The following ITGB7 variants were observed in gnomAD, a reference collection of about 807,000 sequenced individuals.
ITGB7 encodes integrin beta-7.
A neutral mutation model predicts 83.4 loss-of-function variants in ITGB7; 55 were observed. That is an observed-to-expected ratio of 0.66 (90% CI 0.53 to 0.83). ITGB7 has a LOEUF of 0.83. Ranked by LOEUF, ITGB7 falls within the 40% of genes least tolerant of loss-of-function variation. The pLI, the probability that ITGB7 is intolerant of heterozygous loss-of-function variation, is 0.00. For synonymous variants in ITGB7, 454 were observed against 423.6 expected (o/e 1.07, Z -0.88); for missense variants, 921 against 1,046.7 (o/e 0.88, Z 1.66).
At position 53,193,734 on chromosome 12, in the gene ITGB7, C is replaced by T. The variant is rs147840844; in HGVS notation, c.1476G>A (p.Gln492=). The T allele has an allele frequency of 5.0e-6, 8 of 1,613,398 alleles. No homozygotes were observed. In the African/African-American group the frequency reaches 8.0e-5, roughly 16 times the overall value. Residue 492 remains glutamine (Q), a synonymous_variant, in exon 11 of 16, where the codon CAG becomes CAA. Transcript: ENST00000267082. ...QPQAPHCSDG[Q]GHLQCGVCSC... is the part of the protein sequence containing the mutation. Reference sequence around the variant, plus strand: ...TGCATACACCACATTGTAGGTGTCCCTGGCCATCACTGCAGTGGGGAGCCT... The same window carrying T: ...TGCATACACCACATTGTAGGTGTCCTTGGCCATCACTGCAGTGGGGAGCCT...
chr12:53,200,798 G>T (rs11170469), intron 2 of ITGB7, among the ~76,000 whole-genome samples: 12 of 151,988 alleles, frequency 7.9e-5, no homozygotes, highest in African/African-American at 2.9e-4. Context: ...GCATGGTGGC[G>T]TGCACCTGTA....
At chr12:53,205,557 G>A (rs528249402) in intron 1 of ITGB7, among the ~76,000 whole-genome samples, 4 of 152,086 alleles carry the variant, frequency 2.6e-5, no homozygotes, top group African/African-American at 4.8e-5. Context: ...AGCAGAGGAC[G>A]TGCAGGATAA....
At chr12:53,195,096 C>T (rs1592401364) in intron 9 of ITGB7, 7 of 476,592 alleles carry the variant, frequency 1.5e-5, no homozygotes, top group Admixed American at 9.9e-5. Flanking sequence ...GTATGTACAC[C>T]TAGGATGGTG....
rs201442074 is a variant in ITGB7 at position 53,196,215 on chromosome 12, G to C, written c.817-16C>G. On this transcript the variant is annotated splice_polypyrimidine_tract_variant and intron_variant, in intron 6 of 15. Transcript: ENST00000267082. ...CAATCTGCTCCTGAGTTACAGTGGG[G>C]GTGGTAGGCTATGCACCTGGGCATG... 2.5e-6 allele frequency: 4 copies of C among 1,613,136 alleles called. 1 individual carries two copies. In the East Asian group the frequency reaches 8.9e-5, roughly 36 times the overall value.
Position 53,191,543 on chromosome 12 carries a change from GTCCC to G in ITGB7, c.*9_*12del, listed in dbSNP as rs1307952942. 6.3e-7 allele frequency: 1 copy of G among 1,597,334 alleles called. No individual in the cohort carries two copies. The highest frequency in any genetic ancestry group is 1.7e-5 in the Admixed American group (1 of 60,016). ...CCAAGGAGAAGAGCCTTGGGTAAGT[GTCCC>G]TCCCTCCTTCAGAGAGTGGGACTGT... On this transcript the variant is annotated 3_prime_UTR_variant, in exon 16 of 16. Transcript: ENST00000267082.
At chr12:53,191,792 A>G in intron 15 of ITGB7, 67 bp downstream of exon 15, 2 of 1,598,772 alleles carry the variant, frequency 1.3e-6, no homozygotes, top group Non-Finnish European at 1.7e-6. Context: ...ACCCAGTGGG[A>G]GGAATCAGGG....
In ITGB7 at chr12:53,196,073, T is replaced by C; in HGVS notation, c.943A>G (p.Ser315Gly). The C allele has an allele frequency of 1.2e-6, 2 of 1,614,156 alleles. No individual in the cohort carries two copies. The change falls in exon 7 of 16, where the codon AGC becomes GGC. Residue 315 changes from serine to glycine, a missense_variant. Coordinates refer to ENST00000267082, the MANE Select transcript of ITGB7 (RefSeq NM_000889.3). ...GTGCTGCGACTGTAGAGGCCATTGC[T>C]GTCCAAGTGGCAGTGCCCATCACTG... ...MPSDGHCHLDSNGLYSRSTEF... is the reference protein window; with the variant it reads ...MPSDGHCHLDGNGLYSRSTEF...
intron 3 of ITGB7, 46 bp from the exon 4 acceptor site, chr12:53,197,997 C>G (rs778111624): frequency 1.4e-6 from 2 of 1,478,044 alleles, no homozygotes; most frequent in East Asian, 2.6e-5. Flanking sequence ...CTGCATAGGC[C>G]CTGGGCCCCG....
In ITGB7 at chr12:53,196,573, C is replaced by T. The variant is rs1250828706; in HGVS notation, c.816+6G>A. 6.2e-7 allele frequency: 1 copy of T among 1,605,234 alleles called. No homozygotes were observed. Among genetic ancestry groups the T allele is most frequent in the African/African-American group, 1.3e-5 (1 of 74,804 alleles). On this transcript the variant is annotated splice_donor_region_variant and intron_variant, in intron 6 of 15. Coordinates refer to ENST00000267082, the MANE Select transcript of ITGB7 (RefSeq NM_000889.3). ...CCAGGCTCAGATCCCCGCCCCACCT[C>T]CTCACCTGGCAGAGTGCAGCCTGCA...
chr12:53,201,860 C>T (rs1463540147), intron 1 of ITGB7, among the ~76,000 whole-genome samples: 1 of 152,136 alleles, frequency 6.6e-6, no homozygotes, highest in Non-Finnish European at 1.5e-5. Flanking sequence ...ATGATCGTGT[C>T]ACTGTACTTT....
chr12:53,203,819 G>A (rs1942375488), intron 1 of ITGB7, among the ~76,000 whole-genome samples: 1 of 152,144 alleles, frequency 6.6e-6, no homozygotes, highest in Non-Finnish European at 1.5e-5. Context: ...TGTAAGGAAT[G>A]TAAAGTGGTA....
intron 1 of ITGB7, 90 bp downstream of exon 1, chr12:53,207,112 A>G (rs1942460075): frequency 2.0e-5 from 3 of 152,644 alleles, no homozygotes; most frequent in African/African-American, 7.2e-5. Context: ...CTCGGTATCC[A>G]GGTCAGAGCC....
chr12:53,197,664 C>G lies in ITGB7; in HGVS notation c.404-1G>C, dbSNP rs1179361345. The G allele has an allele frequency of 6.2e-7, 1 of 1,613,196 alleles. No individual in the cohort carries two copies. Among genetic ancestry groups the G allele is most frequent in the Non-Finnish European group, 8.5e-7 (1 of 1,179,674 alleles). ...CGGACCTGGAGCTGCTGGGGCTCCC[C>G]TAGGGGGTGGGCGGCGGGCGGGTCA... On this transcript the variant is annotated splice_acceptor_variant, in intron 4 of 15. Transcript: ENST00000267082. LOFTEE classifies it high-confidence loss of function.
At chr12:53,193,036 C>T in intron 12 of ITGB7, 104 bp downstream of exon 12, 1 of 1,375,172 alleles carries the variant, frequency 7.3e-7, no homozygotes, top group East Asian at 2.4e-5. Context: ...AACCCATACA[C>T]CGGAATCTTT....
In ITGB7 at chr12:53,191,547, C is replaced by T. The variant is rs751579957; in HGVS notation, c.*9G>A. The T allele has an allele frequency of 3.7e-6, 6 of 1,604,166 alleles. No homozygotes were observed. The highest frequency in any genetic ancestry group is 5.1e-6 in the Non-Finnish European group (6 of 1,170,928). On this transcript the variant is annotated 3_prime_UTR_variant, in exon 16 of 16. Transcript: ENST00000267082. ...GGAGAAGAGCCTTGGGTAAGTGTCC[C>T]TCCCTCCTTCAGAGAGTGGGACTGT...
Position 53,196,675 on chromosome 12 carries a change from T to C in ITGB7, c.720A>G (p.Gln240=). 1 of 1,612,014 alleles carries C rather than the reference T, an allele frequency of 6.2e-7. No homozygotes were observed. The highest frequency in any genetic ancestry group is 8.5e-7 in the Non-Finnish European group (1 of 1,178,968). The change falls in exon 6 of 16, where the codon CAA becomes CAG. Residue 240 remains glutamine (Q), a synonymous_variant. Transcript: ENST00000267082. ...HHVLSLTGDA[Q]AFEREVGRQS... ...GGCGCCCCACCTCCCGCTCGAAGGC[T>C]TGTGCGTCCCCCGTCAGGGACAGCA...
intron 13 of ITGB7, 44 bp downstream of exon 13, chr12:53,192,647 C>G (rs1487178408): frequency 4.4e-6 from 7 of 1,600,840 alleles, no homozygotes; most frequent in Non-Finnish European, 6.0e-6. Flanking sequence ...CTCAACAAGC[C>G]CCACTGTGCC....
chr12:53,197,376 C>A, intron 5 of ITGB7, 117 bp downstream of exon 5: 1 of 1,164,960 alleles, frequency 8.6e-7, no homozygotes, highest in Non-Finnish European at 1.3e-6. Context: ...CCTGGCTAGG[C>A]CTGTCAACAA....
chr12:53,203,658 AAAAAAAAAAAAAAGAAAG>A (rs1332038720), intron 1 of ITGB7, among the ~76,000 whole-genome samples: 9 of 149,856 alleles, frequency 6.0e-5, no homozygotes, highest in African/African-American at 1.7e-4. Flanking sequence ...AAAAAAAAAA[AAAAAAAAAAAAAAGAAAG>A]AAAGAAAAGA....
Sources: gnomAD v4.1 joint callset for allele counts (sites outside exome capture counted in the v4.1 genomes callset) on GRCh38, gnomAD v4.1.1 for gene constraint, MANE v1.5 for transcripts, NCBI Gene and HGNC (gene_info 2026-07-23, HGNC 2026-07-21) for gene names.